PARD3: variants seen among roughly 807,000 people sequenced by gnomAD.
PARD3 encodes partitioning defective 3 homolog.
PARD3 carries 75 observed loss-of-function variants against 155.4 expected under a neutral mutation model. The ratio of observed to expected loss-of-function variants is 0.48; its 90% CI spans 0.40 to 0.58. The LOEUF is 0.58. PARD3 is among the 20% of genes least tolerant of loss of function. The probability of loss-of-function intolerance (pLI) is 0.00; values close to 1 mark genes in which losing one functional copy is unlikely to be tolerated. For missense variants in PARD3, 1,642 were observed against 1,721.7 expected (o/e 0.95, Z 0.82); for synonymous variants, 576 against 610.5 (o/e 0.94, Z 0.83).
At chr10:34,500,121 A>G (rs1483250680) in intron 3 of PARD3, among the ~76,000 whole-genome samples, 1 of 152,234 alleles carries the variant, frequency 6.6e-6, no homozygotes, top group African/African-American at 2.4e-5. Flanking sequence ...CTGAATGCAA[A>G]GCATCAAACC....
intron 10 of PARD3, among the ~76,000 whole-genome samples, chr10:34,376,505 G>A (rs566927487): frequency 3.3e-5 from 5 of 152,204 alleles, no homozygotes; most frequent in African/African-American, 7.2e-5. Flanking sequence ...GACTGCAGAC[G>A]TGGGCTAACG....
At chr10:34,521,068 C>T (rs1484517336) in intron 2 of PARD3, among the ~76,000 whole-genome samples, 2 of 152,072 alleles carry the variant, frequency 1.3e-5, no homozygotes, top group East Asian at 3.9e-4. Flanking sequence ...AGAATCGAGT[C>T]CTTTCTGCAA....
At chr10:34,727,830 A>ACACG (rs1554821218) in intron 1 of PARD3, among the ~76,000 whole-genome samples, 8 of 148,296 alleles carry the variant, frequency 5.4e-5, no homozygotes, top group South Asian at 4.3e-4. Context: ...ACACACACAC[A>ACACG]CACGCACGCA....
At position 34,668,578 on chromosome 10, in the gene PARD3, A is replaced by AAT. The variant is rs1432720289; in HGVS notation, c.222+27738_222+27739dup. On this transcript the variant is annotated intron_variant, in intron 2 of 24. Coordinates refer to ENST00000374788, the MANE Select transcript of PARD3 (RefSeq NM_001184785.2). The stretch of plus-strand genomic sequence containing the variant: ...TCTATAGCATTATTCTGACTCCCAC[A>AAT]ATATATATATTCAAACACAGGAAGA... Among the ~76,000 whole-genome samples, 23 of 152,278 alleles carry AAT rather than the reference A, an allele frequency of 1.5e-4. No homozygotes were observed. In the East Asian group the frequency reaches 3.9e-3, roughly 25 times the overall value.
chr10:34,550,066 A>T (rs1490977630), intron 2 of PARD3, among the ~76,000 whole-genome samples: 1 of 152,128 alleles, frequency 6.6e-6, no homozygotes, highest in Non-Finnish European at 1.5e-5. Context: ...AGAAAATCTC[A>T]CAGGCTCCAT....
At chr10:34,806,315 C>T (rs1010144890) in intron 1 of PARD3, among the ~76,000 whole-genome samples, 1 of 151,694 alleles carries the variant, frequency 6.6e-6, no homozygotes, top group African/African-American at 2.4e-5. Flanking sequence ...CTTGCCTCAG[C>T]CTCCCAAGTA....
chr10:34,797,573 C>T (rs1398768922), intron 1 of PARD3, among the ~76,000 whole-genome samples: 3 of 152,170 alleles, frequency 2.0e-5, no homozygotes, highest in Non-Finnish European at 1.5e-5. Context: ...TAAACAAGCT[C>T]GAAAAGCAAC....
intron 12 of PARD3, among the ~76,000 whole-genome samples, chr10:34,370,559 A>G (rs1840481755): frequency 2.6e-5 from 4 of 152,042 alleles, no homozygotes. Context: ...GAGCCACTGC[A>G]CCTGGCCCTG....
intron 22 of PARD3, among the ~76,000 whole-genome samples, chr10:34,184,108 G>A (rs1039769554): frequency 3.9e-5 from 6 of 152,218 alleles, no homozygotes; most frequent in African/African-American, 1.4e-4. Context: ...GTGAGCCACT[G>A]TGCTCAGTCT....
intron 5 of PARD3, among the ~76,000 whole-genome samples, chr10:34,408,350 A>G (rs533433254): frequency 6.6e-6 from 1 of 152,282 alleles, no homozygotes; most frequent in South Asian, 2.1e-4. Flanking sequence ...ACTCAACTAA[A>G]TGTTCTTTTT....
intron 5 of PARD3, among the ~76,000 whole-genome samples, chr10:34,418,522 A>G (rs944003295): frequency 2.6e-5 from 4 of 152,180 alleles, no homozygotes; most frequent in African/African-American, 9.7e-5. Flanking sequence ...GGAATGTGAA[A>G]TAACTGTTAC....
intron 3 of PARD3, among the ~76,000 whole-genome samples, chr10:34,484,463 T>C (rs2079303025): frequency 6.6e-6 from 1 of 152,248 alleles, no homozygotes. Flanking sequence ...AGGCAATCTT[T>C]TGACAGGAGT....
intron 23 of PARD3, among the ~76,000 whole-genome samples, chr10:34,120,183 A>AT (rs57670906): frequency 0.014 from 1,567 of 113,622 alleles, 35 homozygotes; most frequent in African/African-American, 0.04. Flanking sequence ...TGCCTGGCTA[A>AT]TTTTTTTTTT....
chr10:34,466,123 C>T (rs1023810122), intron 4 of PARD3, among the ~76,000 whole-genome samples: 1 of 152,078 alleles, frequency 6.6e-6, no homozygotes, highest in East Asian at 1.9e-4. Flanking sequence ...TAGTCAGCCA[C>T]AAAATACTGG....
intron 22 of PARD3, among the ~76,000 whole-genome samples, chr10:34,223,870 C>T (rs1952448100): frequency 6.6e-6 from 1 of 152,208 alleles, no homozygotes; most frequent in Non-Finnish European, 1.5e-5. Flanking sequence ...ATGTCACACA[C>T]TCAAGGACAC....
At chr10:34,691,309 T>C (rs1425448789) in intron 2 of PARD3, among the ~76,000 whole-genome samples, 1 of 151,992 alleles carries the variant, frequency 6.6e-6, no homozygotes, top group Admixed American at 6.5e-5. Context: ...ACATCCAAAC[T>C]AAGAGCCAAA....
chr10:34,165,045 T>C (rs1008269502), intron 22 of PARD3, among the ~76,000 whole-genome samples: 14 of 152,272 alleles, frequency 9.2e-5, no homozygotes, highest in Admixed American at 7.8e-4. Context: ...TGGCCCCTGT[T>C]AGAAGACCAC....
chr10:34,541,580 A>ACCTCAGAGAATCTG (rs1255676916), intron 2 of PARD3, among the ~76,000 whole-genome samples: 1 of 152,170 alleles, frequency 6.6e-6, no homozygotes, highest in Admixed American at 6.5e-5. Flanking sequence ...TTTAGACCAC[A>ACCTCAGAGAATCTG]CCTCAGAGAA....
chr10:34,389,239 TAAAAAAAAAAAAAAA>T (rs57615675), intron 7 of PARD3, among the ~76,000 whole-genome samples: 2 of 65,882 alleles, frequency 3.0e-5, no homozygotes, highest in African/African-American at 1.4e-4. Flanking sequence ...CAATGTTTCT[TAAAAAAAAAAAAAAA>T]AAAAAAAAAA....
Sources: gnomAD v4.1 joint callset for allele counts (sites outside exome capture counted in the v4.1 genomes callset) on GRCh38, gnomAD v4.1.1 for gene constraint, MANE v1.5 for transcripts, NCBI Gene and HGNC (gene_info 2026-07-23, HGNC 2026-07-21) for gene names.